The following RNGTT variants were observed in gnomAD, a reference collection of about 807,000 sequenced individuals.
RNGTT encodes the protein RNA guanylyltransferase and 5'-phosphatase, also known as mRNA-capping enzyme.
A neutral mutation model predicts 79.3 loss-of-function variants in RNGTT; 33 were observed. That is an observed-to-expected ratio of 0.42 (90% CI 0.32 to 0.56). RNGTT has a LOEUF of 0.56. Among genes scored for constraint, RNGTT ranks in the 20% least tolerant of loss-of-function variants. The pLI is 0.17. For synonymous variants in RNGTT, 222 were observed against 235.9 expected (o/e 0.94, Z 0.54); for missense variants, 497 against 739.1 (o/e 0.67, Z 3.80).
rs750457595 is a variant in RNGTT, at chr6:88,963,341, G to A, written c.64+5C>T. Reference sequence around the variant, plus strand: ...GGGATTCGAACGCCCCCCAGTCCAGGTTACCTGCCACCGGCTGGCCGCGCC... The same window carrying A: ...GGGATTCGAACGCCCCCCAGTCCAGATTACCTGCCACCGGCTGGCCGCGCC... On this transcript the variant is annotated splice_donor_5th_base_variant and intron_variant, in intron 1 of 15. Transcript: ENST00000369485. 2.5e-6 allele frequency: 4 copies of A among 1,612,154 alleles called. No homozygotes were observed. The highest frequency in any genetic ancestry group is 3.4e-6 in the Non-Finnish European group (4 of 1,179,102).
At chr6:88,900,601 G>A (rs1456737604) in intron 6 of RNGTT, among the ~76,000 whole-genome samples, 1 of 151,708 alleles carries the variant, frequency 6.6e-6, no homozygotes, top group Non-Finnish European at 1.5e-5. Flanking sequence ...AGGCGTAGTG[G>A]CAGGTGCCAA....
At chr6:88,718,506 A>T (rs961455376) in intron 13 of RNGTT, among the ~76,000 whole-genome samples, 12 of 151,942 alleles carry the variant, frequency 7.9e-5, no homozygotes, top group East Asian at 1.9e-4. Flanking sequence ...GACAAAAATT[A>T]AAAAAAATAA....
chr6:88,747,901 G>A (rs1019533796), intron 13 of RNGTT, among the ~76,000 whole-genome samples: 1 of 152,058 alleles, frequency 6.6e-6, no homozygotes, highest in African/African-American at 2.4e-5. Flanking sequence ...TTTTATTTTT[G>A]CCTTCCAAGT....
intron 13 of RNGTT, among the ~76,000 whole-genome samples, chr6:88,708,019 GAGA>G (rs1203946725): frequency 6.6e-6 from 1 of 152,004 alleles, no homozygotes; most frequent in African/African-American, 2.4e-5. Context: ...GAGTGGACCA[GAGA>G]AGAATTCATC....
chr6:88,688,188 T>C (rs1000874786), intron 13 of RNGTT, among the ~76,000 whole-genome samples: 3 of 152,136 alleles, frequency 2.0e-5, no homozygotes, highest in African/African-American at 7.2e-5. Context: ...TGAAAATATA[T>C]ACTAGGATTT....
intron 14 of RNGTT, among the ~76,000 whole-genome samples, chr6:88,662,113 T>C (rs1376460752): frequency 1.3e-5 from 2 of 152,230 alleles, no homozygotes; most frequent in African/African-American, 4.8e-5. Context: ...TAGCATTCCT[T>C]GTGATTACAA....
At chr6:88,923,840 T>C (rs1204301720) in intron 4 of RNGTT, among the ~76,000 whole-genome samples, 1 of 152,250 alleles carries the variant, frequency 6.6e-6, no homozygotes, top group African/African-American at 2.4e-5. Flanking sequence ...AGGTGTTCTA[T>C]GGCCAGTTCA....
At chr6:88,930,728 T>G (rs1254568504) in intron 2 of RNGTT, among the ~76,000 whole-genome samples, 1 of 152,012 alleles carries the variant, frequency 6.6e-6, no homozygotes, top group East Asian at 1.9e-4. Flanking sequence ...ACATTTCCGG[T>G]AAGAAAGAGC....
At chr6:88,871,353 GT>G (rs145032697) in intron 8 of RNGTT, among the ~76,000 whole-genome samples, 130 of 143,884 alleles carry the variant, frequency 9.0e-4, no homozygotes, top group African/African-American at 1.6e-3. Flanking sequence ...TAATAGCAGA[GT>G]TTTTTTTTTT....
intron 13 of RNGTT, among the ~76,000 whole-genome samples, chr6:88,758,834 C>A (rs1393466926): frequency 6.6e-6 from 1 of 151,246 alleles, no homozygotes; most frequent in African/African-American, 2.4e-5. Flanking sequence ...CCAGACTTAG[C>A]ATCCATTGAT....
chr6:88,618,214 C>T (rs116215929), intron 14 of RNGTT, among the ~76,000 whole-genome samples: 6 of 152,300 alleles, frequency 3.9e-5, no homozygotes, highest in Admixed American at 2.0e-4. Flanking sequence ...CTAACCTAAA[C>T]GTATTTCCGT....
chr6:88,891,510 T>C (rs747720365), intron 7 of RNGTT, among the ~76,000 whole-genome samples: 9 of 152,146 alleles, frequency 5.9e-5, no homozygotes, highest in Non-Finnish European at 1.2e-4. Flanking sequence ...TTCCCTCTTA[T>C]CAAATTGAGA....
chr6:88,692,163 A>G (rs1582337071), intron 13 of RNGTT, among the ~76,000 whole-genome samples: 1 of 152,194 alleles, frequency 6.6e-6, no homozygotes, highest in Non-Finnish European at 1.5e-5. Flanking sequence ...ACTGAAAGAG[A>G]GGAGGCAAAT....
chr6:88,872,441 A>G (rs1161764837), intron 8 of RNGTT, among the ~76,000 whole-genome samples: 1 of 152,174 alleles, frequency 6.6e-6, no homozygotes, highest in East Asian at 1.9e-4. Flanking sequence ...AAAAAGAATA[A>G]ATGAATAAGA....
rs1050898098 is a variant in RNGTT at position 88,943,919 on chromosome 6, C to T, written c.65-2739G>A. On this transcript the variant is annotated intron_variant, in intron 1 of 15. Coordinates refer to ENST00000369485, the MANE Select transcript of RNGTT (RefSeq NM_003800.5). ...ACTTAACCACCTGACTTCTTTGTGC[C>T]TACACATATGTAGCTGAGGCTTCCT... is the stretch of plus-strand genomic sequence containing the variant. 5.3e-5 allele frequency among the ~76,000 whole-genome samples: 8 copies of T among 152,318 alleles called. No individual in the cohort carries two copies. The East Asian group carries it at 9.6e-4, about 18-fold the overall frequency.
At chr6:88,810,920 A>G (rs555164869) in intron 11 of RNGTT, among the ~76,000 whole-genome samples, 1 of 152,364 alleles carries the variant, frequency 6.6e-6, no homozygotes, top group Non-Finnish European at 1.5e-5. Flanking sequence ...CTAATGGGAT[A>G]TGAGGACCCA....
At chr6:88,758,224 G>A (rs1217389486) in intron 13 of RNGTT, among the ~76,000 whole-genome samples, 1 of 152,098 alleles carries the variant, frequency 6.6e-6, no homozygotes, top group East Asian at 1.9e-4. Context: ...TTTGTGAATT[G>A]TTCCTTAATA....
chr6:88,720,003 C>T (rs771584983), intron 13 of RNGTT, among the ~76,000 whole-genome samples: 3 of 152,200 alleles, frequency 2.0e-5, no homozygotes, highest in Non-Finnish European at 4.4e-5. Context: ...AGAATAAAAA[C>T]ACATCCCTAC....
intron 13 of RNGTT, among the ~76,000 whole-genome samples, chr6:88,744,513 A>G (rs929968258): frequency 7.9e-5 from 12 of 152,120 alleles, no homozygotes; most frequent in African/African-American, 2.9e-4. Context: ...ATGCACCTCA[A>G]CCTCTCAAAG....
Sources: gnomAD v4.1 joint callset for allele counts (sites outside exome capture counted in the v4.1 genomes callset) on GRCh38, gnomAD v4.1.1 for gene constraint, MANE v1.5 for transcripts, NCBI Gene and HGNC (gene_info 2026-07-23, HGNC 2026-07-21) for gene names.